TBXAS1: variants seen among roughly 807,000 people sequenced by gnomAD.
TBXAS1 encodes the protein thromboxane-A synthase.
TBXAS1 carries 48 observed loss-of-function variants against 60.7 expected under a neutral mutation model. The observed-to-expected ratio is 0.79, with a 90% CI of 0.63 to 1.01. The LOEUF is 1.01. Ranked by LOEUF, TBXAS1 falls within the 50% of genes least tolerant of loss-of-function variation. The pLI is 0.00. For synonymous variants in TBXAS1, 287 were observed against 269.7 expected (o/e 1.06, Z -0.63); for missense variants, 685 against 686.3 (o/e 1.00, Z 0.02).
chr7:139,840,838 G>A (rs1387557819), intron 1 of TBXAS1, among the ~76,000 whole-genome samples: 1 of 152,210 alleles, frequency 6.6e-6, no homozygotes, highest in Non-Finnish European at 1.5e-5. Context: ...TGGCAAGAGA[G>A]CGCCTCGGAG....
intron 1 of TBXAS1, among the ~76,000 whole-genome samples, chr7:139,854,473 A>G (rs916638832): frequency 6.6e-6 from 1 of 152,152 alleles, no homozygotes. Flanking sequence ...TTTGCATATG[A>G]GCAAGCTTCT....
rs1584835321 is a variant in TBXAS1 at position 139,912,656 on chromosome 7, C to T, written c.333+1335C>T. Among the ~76,000 whole-genome samples the T allele has an allele frequency of 2.0e-5, 3 of 152,178 alleles. No homozygotes were observed. In the East Asian group the frequency reaches 5.8e-4, roughly 29 times the overall value. On this transcript the variant is annotated intron_variant, in intron 4 of 12. Transcript: ENST00000448866. Reference sequence around the variant, plus strand: ...AGCACAATGCAGTGTGGTGAGTGCTCCTGAGGTGGGGAGCCCAGGCCACCA... The same window carrying T: ...AGCACAATGCAGTGTGGTGAGTGCTTCTGAGGTGGGGAGCCCAGGCCACCA...
rs372978042 is a variant in TBXAS1, at chr7:140,006,064, C to T, written c.1135-1027C>T. 3.2e-4 allele frequency among the ~76,000 whole-genome samples: 49 copies of T among 152,306 alleles called. 1 individual carries two copies. The South Asian group carries it at 8.9e-3, about 28-fold the overall frequency. ...CCAGCGCCTGTAACTGGAACGTTGG[C>T]GGCTTGAGAATGGACTTGCCCTGAA... On this transcript the variant is annotated intron_variant, in intron 9 of 12. Transcript: ENST00000448866.
At chr7:139,846,588 T>G (rs1799820043) in intron 1 of TBXAS1, among the ~76,000 whole-genome samples, 1 of 152,196 alleles carries the variant, frequency 6.6e-6, no homozygotes, top group Non-Finnish European at 1.5e-5. Context: ...GGCAGCTAGA[T>G]CTTGGTTTTT....
rs1466460478 is a variant in TBXAS1 at position 140,013,198 on chromosome 7, C to T, written c.1227-2525C>T. Among the ~76,000 whole-genome samples, 1 of 152,124 alleles carries T rather than the reference C, an allele frequency of 6.6e-6. No homozygotes were observed. Among genetic ancestry groups the T allele is most frequent in the East Asian group, 1.9e-4 (1 of 5,196 alleles). On this transcript the variant is annotated intron_variant, in intron 10 of 12. Coordinates refer to ENST00000448866, the MANE Select transcript of TBXAS1 (RefSeq NM_001061.7). The surrounding 1 kb of genome is among the most constrained non-coding windows in gnomAD (Gnocchi z 4.2). The stretch of plus-strand genomic sequence containing the variant: ...TCTGACAGGTAAGACTGTTGTCTGG[C>T]AAGTGAACTGTTTGCTCACGCAAGC...
intron 9 of TBXAS1, among the ~76,000 whole-genome samples, chr7:140,002,670 A>C (rs550995456): frequency 1.3e-5 from 2 of 152,268 alleles, no homozygotes; most frequent in East Asian, 3.9e-4. Context: ...GAGAAGCGCT[A>C]GGGTAGGTCT....
chr7:139,827,913 T>G (rs1450553246), upstream of TBXAS1, among the ~76,000 whole-genome samples: 3 of 152,204 alleles, frequency 2.0e-5, no homozygotes, highest in Non-Finnish European at 2.9e-5. Context: ...GCTCTTAAGA[T>G]TCTTTCCTTT....
intron 3 of TBXAS1, among the ~76,000 whole-genome samples, chr7:139,784,963 G>T (rs2117229426): frequency 6.6e-6 from 1 of 152,268 alleles, no homozygotes; most frequent in African/African-American, 2.4e-5. Context: ...TGGTCCTTGG[G>T]CTGCCTGCAT....
chr7:139,807,627 C>G (rs892793609), intron 4 of TBXAS1, among the ~76,000 whole-genome samples: 4 of 152,136 alleles, frequency 2.6e-5, no homozygotes, highest in African/African-American at 9.7e-5. Flanking sequence ...TCGTGATCCA[C>G]CCACCTCAGC....
At chr7:139,847,364 G>A (rs569405538) in intron 1 of TBXAS1, among the ~76,000 whole-genome samples, 35 of 152,246 alleles carry the variant, frequency 2.3e-4, no homozygotes, top group South Asian at 1.2e-3. Context: ...GCCCCGCTAA[G>A]CCATACTCTA....
intron 3 of TBXAS1, among the ~76,000 whole-genome samples, chr7:139,879,093 C>G (rs1053020094): frequency 6.6e-6 from 1 of 152,194 alleles, no homozygotes. Flanking sequence ...TTACTCAATT[C>G]CCCTCCCACT....
chr7:139,790,903 A>G (rs901368589), intron 4 of TBXAS1, among the ~76,000 whole-genome samples: 1 of 152,182 alleles, frequency 6.6e-6, no homozygotes, highest in Non-Finnish European at 1.5e-5. Flanking sequence ...CCCAGGCTTA[A>G]GCAATCCTGC....
At chr7:139,939,000 C>A (rs1808045741) in intron 5 of TBXAS1, among the ~76,000 whole-genome samples, 1 of 152,200 alleles carries the variant, frequency 6.6e-6, no homozygotes, top group African/African-American at 2.4e-5. Flanking sequence ...TCCCTCTAGT[C>A]CAGAAATCAA....
intron 3 of TBXAS1, among the ~76,000 whole-genome samples, chr7:139,894,045 A>G (rs1392872016): frequency 1.3e-5 from 2 of 152,074 alleles, no homozygotes; most frequent in East Asian, 3.9e-4. Context: ...GCCAGGGGGG[A>G]GGCTATCTTC....
At chr7:139,950,231 T>C (rs1469995856) in intron 5 of TBXAS1, among the ~76,000 whole-genome samples, 1 of 151,908 alleles carries the variant, frequency 6.6e-6, no homozygotes, top group Non-Finnish European at 1.5e-5. Context: ...GGGGGTTCAC[T>C]CTGCTGGCCC....
intron 4 of TBXAS1, among the ~76,000 whole-genome samples, chr7:139,925,637 C>T (rs1034038856): frequency 2.0e-5 from 3 of 152,178 alleles, no homozygotes; most frequent in Non-Finnish European, 4.4e-5. Flanking sequence ...ACGTTTATTT[C>T]ATTCTCTTGA....
chr7:139,791,235 T>G (rs1797372071), intron 4 of TBXAS1, among the ~76,000 whole-genome samples: 1 of 152,230 alleles, frequency 6.6e-6, no homozygotes, highest in Admixed American at 6.5e-5. Context: ...CCTAACACAA[T>G]GAAAGTTTAT....
At chr7:139,917,288 G>A (rs1451804774) in intron 4 of TBXAS1, among the ~76,000 whole-genome samples, 5 of 152,088 alleles carry the variant, frequency 3.3e-5, no homozygotes, top group Non-Finnish European at 7.4e-5. Flanking sequence ...TGTTTTATGT[G>A]ACCTCCGTCT....
At chr7:139,809,836 C>G (rs992916726) in intron 4 of TBXAS1, among the ~76,000 whole-genome samples, 1 of 152,198 alleles carries the variant, frequency 6.6e-6, no homozygotes, top group Non-Finnish European at 1.5e-5. Context: ...AGTCCACCAA[C>G]TCACATGCCA....
Sources: gnomAD v4.1 joint callset for allele counts (sites outside exome capture counted in the v4.1 genomes callset) on GRCh38, gnomAD v4.1.1 for gene constraint, Gnocchi (gnomAD v3.1) non-coding constraint, MANE v1.5 for transcripts, NCBI Gene and HGNC (gene_info 2026-07-23, HGNC 2026-07-21) for gene names.